SSH2: variants seen among roughly 807,000 people sequenced by gnomAD.
The protein encoded by SSH2 is slingshot protein phosphatase 2.
In SSH2, 37 loss-of-function variants were observed where a neutral mutation model predicts 135.2. The observed-to-expected ratio is 0.27, with a 90% confidence interval of 0.21 to 0.36. The LOEUF is 0.36. Ranked by LOEUF, SSH2 falls within the 10% of genes least tolerant of loss-of-function variation. The probability of loss-of-function intolerance (pLI) is 1.00; values close to 1 mark genes in which losing one functional copy is unlikely to be tolerated. For missense variants in SSH2, 1,408 were observed against 1,765.3 expected (o/e 0.80, Z 3.63); for synonymous variants, 628 against 646.2 (o/e 0.97, Z 0.43).
At chr17:29,704,631 A>T (rs1182352652) in intron 3 of SSH2, among the ~76,000 whole-genome samples, 1 of 143,828 alleles carries the variant, frequency 7.0e-6, no homozygotes, top group Non-Finnish European at 1.5e-5. Context: ...TGAGCCTAGG[A>T]GTTCGAGATT....
chr17:29,835,101 T>C (rs954876756), intron 2 of SSH2, among the ~76,000 whole-genome samples: 17 of 152,242 alleles, frequency 1.1e-4, no homozygotes, highest in African/African-American at 3.6e-4. Flanking sequence ...TATATGACTA[T>C]GGTATATGAA....
chr17:29,700,354 G>A (rs966862132), intron 4 of SSH2, among the ~76,000 whole-genome samples: 6 of 152,248 alleles, frequency 3.9e-5, no homozygotes, highest in African/African-American at 1.4e-4. Context: ...TAGAAGAGAA[G>A]CATTAGGTTA....
At chr17:29,860,808 T>A (rs1347693032) in intron 1 of SSH2, among the ~76,000 whole-genome samples, 3 of 151,694 alleles carry the variant, frequency 2.0e-5, no homozygotes, top group Non-Finnish European at 2.9e-5. Context: ...TGCAGTGGCA[T>A]GATCTCAGTT....
At chr17:29,843,172 A>G (rs973838353) in intron 2 of SSH2, among the ~76,000 whole-genome samples, 2 of 152,194 alleles carry the variant, frequency 1.3e-5, no homozygotes, top group African/African-American at 4.8e-5. Flanking sequence ...TTGTTGTTGT[A>G]TCTGGATGTT....
intron 1 of SSH2, among the ~76,000 whole-genome samples, chr17:29,878,177 C>T (rs2066070306): frequency 6.6e-6 from 1 of 152,108 alleles, no homozygotes; most frequent in South Asian, 2.1e-4. Context: ...CCTGTAATTC[C>T]AGCACTTTCA....
intron 2 of SSH2, among the ~76,000 whole-genome samples, chr17:29,806,263 G>A (rs2042343782): frequency 6.6e-6 from 1 of 152,140 alleles, no homozygotes; most frequent in African/African-American, 2.4e-5. Context: ...ATGCCATGTA[G>A]GTATGATTAT....
chr17:29,701,147 ATT>A (rs1239794343), intron 4 of SSH2, among the ~76,000 whole-genome samples: 1 of 151,764 alleles, frequency 6.6e-6, no homozygotes, highest in African/African-American at 2.4e-5. Context: ...ATTTTTTTAA[ATT>A]TTTAGTAGAG....
intron 6 of SSH2, among the ~76,000 whole-genome samples, chr17:29,681,330 T>TAA (rs2037976953): frequency 6.5e-5 from 1 of 15,342 alleles, no homozygotes; most frequent in Non-Finnish European, 1.4e-4. Flanking sequence ...TGAGACTGTC[T>TAA]CAAAAAAAAA....
chr17:29,688,557 C>T (rs371555187), intron 5 of SSH2, among the ~76,000 whole-genome samples: 22 of 152,138 alleles, frequency 1.4e-4, no homozygotes, highest in African/African-American at 2.2e-4. Flanking sequence ...CTCTGCCTCC[C>T]GGGGTCCAGC....
intron 1 of SSH2, among the ~76,000 whole-genome samples, chr17:29,854,254 T>G (rs2065620859): frequency 6.6e-6 from 1 of 151,964 alleles, no homozygotes. Context: ...CCCTACTGCG[T>G]ATTAAGCACT....
intron 12 of SSH2, among the ~76,000 whole-genome samples, chr17:29,654,330 A>G (rs890777931): frequency 2.6e-5 from 4 of 152,236 alleles, no homozygotes; most frequent in Non-Finnish European, 5.9e-5. Flanking sequence ...CAAATTTTAA[A>G]TTAAGCAACC....
At chr17:29,634,702 G>T (rs933094970) in intron 15 of SSH2, among the ~76,000 whole-genome samples, 1 of 152,042 alleles carries the variant, frequency 6.6e-6, no homozygotes, top group African/African-American at 2.4e-5. Flanking sequence ...ACAGGTGCGC[G>T]CCACCACGCC....
At chr17:29,680,715 T>C (rs2037942646) in intron 6 of SSH2, among the ~76,000 whole-genome samples, 2 of 151,920 alleles carry the variant, frequency 1.3e-5, no homozygotes, top group South Asian at 4.2e-4. Flanking sequence ...CAAGTTTTGT[T>C]GAGTAGATGA....
At position 29,691,383 on chromosome 17, in the gene SSH2, T is replaced by C. The variant is rs180697449; in HGVS notation, c.357+4076A>G. 6.6e-3 allele frequency among the ~76,000 whole-genome samples: 998 copies of C among 152,308 alleles called. 6 individuals are homozygous for C. Among genetic ancestry groups the C allele is most frequent in the African/African-American group, 0.023 (956 of 41,560 alleles). ...GTGCAAGAGTACTATAAAACCACTT[T>C]CTTTATTTTACTAGCTACAGTTTTT... is the stretch of plus-strand genomic sequence containing the variant. On this transcript the variant is annotated intron_variant, in intron 5 of 15. Coordinates refer to ENST00000540801, the MANE Select transcript of SSH2 (RefSeq NM_001282129.2).
chr17:29,725,281 AGGTTGCAGTGAGCCAAGATTG>A (rs1162675279), intron 3 of SSH2, among the ~76,000 whole-genome samples: 1 of 38,508 alleles, frequency 2.6e-5, no homozygotes, highest in South Asian at 9.5e-4. Flanking sequence ...CAGGACGCCG[AGGTTGCAGTGAGCCAAGATTG>A]CACCACTGCA....
chr17:29,930,094 G>T lies in SSH2; in HGVS notation c.-94C>A. The T allele has an allele frequency of 1.9e-6, 2 of 1,056,872 alleles. No homozygotes were observed. The highest frequency in any genetic ancestry group is 1.4e-5 in the South Asian group (1 of 71,152). 65.5% of individuals were successfully genotyped at this position (1,056,872 alleles called of 1,614,324 possible). A position where few individuals can be genotyped will look rare whatever the true frequency, so the allele number is the denominator to read the frequency against. ...AGCCGGGATGGGGAAAGGGGTGCGG[G>T]GTGGGGGTGAAGGGAACGGGGAGGA... On this transcript the variant is annotated 5_prime_UTR_variant, in exon 1 of 16. Coordinates refer to ENST00000540801, the MANE Select transcript of SSH2 (RefSeq NM_001282129.2).
chr17:29,631,169 TG>T lies in SSH2; in HGVS notation c.4024del (p.His1342ThrfsTer10), dbSNP rs763538581. 6.2e-7 allele frequency: 1 copy of T among 1,614,152 alleles called. No homozygotes were observed. The highest frequency in any genetic ancestry group is 8.5e-7 in the Non-Finnish European group (1 of 1,180,026). The part of the protein sequence containing the change: ...QESLENPGAP[H>X]NPEPTKSFVE... ...AAAAGACTTGGTGGGCTCTGGGTTG[TG>T]GGGGGCACCTGGGTTTTCTAGGGAC... On this transcript the variant is annotated frameshift_variant, in exon 16 of 16. Transcript: ENST00000540801. LOFTEE classifies it high-confidence loss of function.
At chr17:29,793,398 A>C (rs2042105271) in intron 3 of SSH2, among the ~76,000 whole-genome samples, 1 of 152,158 alleles carries the variant, frequency 6.6e-6, no homozygotes, top group African/African-American at 2.4e-5. Flanking sequence ...GAATTGCCAA[A>C]ATTTATCAAA....
At chr17:29,790,484 A>T (rs895825056) in intron 3 of SSH2, among the ~76,000 whole-genome samples, 2 of 152,186 alleles carry the variant, frequency 1.3e-5, no homozygotes, top group African/African-American at 2.4e-5. Flanking sequence ...GTATTTTGTT[A>T]TAGTGGACTG....
Sources: allele counts gnomAD v4.1 joint callset (sites outside exome capture counted in the v4.1 genomes callset), GRCh38; gene constraint gnomAD v4.1.1; transcripts MANE v1.5; gene names NCBI Gene and HGNC (gene_info 2026-07-23, HGNC 2026-07-21).